OS9: variants seen among roughly 807,000 people sequenced by gnomAD.
The protein encoded by OS9 is OS9 endoplasmic reticulum lectin.
In OS9, 58 loss-of-function variants were observed where a neutral mutation model predicts 84.7. That is an observed-to-expected ratio of 0.68 (90% CI 0.55 to 0.85). The LOEUF is 0.85. Among genes scored for constraint, OS9 ranks in the 40% least tolerant of loss-of-function variants. The pLI, the probability that OS9 is intolerant of heterozygous loss-of-function variation, is 0.00. For missense variants in OS9, 760 were observed against 850.9 expected, an observed-to-expected ratio of 0.89 and a Z score of 1.33; for synonymous variants, 278 against 320.8, an observed-to-expected ratio of 0.87 and a Z score of 1.43.
rs1168881947 is a variant in OS9 at position 57,697,910 on chromosome 12, CACACACACACACAT to C, written c.579+1551_579+1564del. ...ACACACGGAACCTAACATAAGCAAA[CACACACACACACAT>C]ACACACACACACACACACACACACA... On this transcript the variant is annotated intron_variant, in intron 5 of 14. Coordinates refer to ENST00000315970, the MANE Select transcript of OS9 (RefSeq NM_006812.4). 5.2e-3 allele frequency among the ~76,000 whole-genome samples: 150 copies of C among 28,970 alleles called. 6 individuals carry two copies. Among genetic ancestry groups the C allele is most frequent in the African/African-American group, 0.013 (144 of 11,104 alleles). 19.0% of individuals were successfully genotyped at this position (28,970 alleles called of 152,430 possible).
At chr12:57,704,286 C>G (rs1954105974) in intron 5 of OS9, among the ~76,000 whole-genome samples, 1 of 152,132 alleles carries the variant, frequency 6.6e-6, no homozygotes. Flanking sequence ...CCTGTAATCC[C>G]AGCACTTTGG....
In OS9 at chr12:57,694,887, G is replaced by A; in HGVS notation, c.300G>A (p.Glu100=). The A allele has an allele frequency of 5.0e-6, 8 of 1,614,194 alleles. No homozygotes were observed. The highest frequency in any genetic ancestry group is 1.7e-5 in the Admixed American group (1 of 60,016). The change falls in exon 2 of 15, where the codon GAG becomes GAA. Residue 100 remains glutamate (E), a synonymous_variant. Coordinates refer to ENST00000315970, the MANE Select transcript of OS9 (RefSeq NM_006812.4). The stretch of plus-strand genomic sequence containing the variant: ...CTTACCAAGGGCCTGGGATCCCTGA[G>A]TTGTTGAGCCCAATGAGAGATGCTC... ...TPAYQGPGIP[E]LLSPMRDAPC...
At chr12:57,695,096 C>T in intron 2 of OS9, 170 bp downstream of exon 2, 3 of 618,784 alleles carry the variant, frequency 4.8e-6, no homozygotes, top group Non-Finnish European at 8.5e-6. Flanking sequence ...CCTGCAACCA[C>T]TGATGACACT....
At chr12:57,698,224 A>T (rs1393171150) in intron 5 of OS9, among the ~76,000 whole-genome samples, 34 of 152,222 alleles carry the variant, frequency 2.2e-4, no homozygotes, top group Admixed American at 2.2e-3. Context: ...ACCTTTCTTG[A>T]TTAACCCAGA....
intron 5 of OS9, among the ~76,000 whole-genome samples, chr12:57,711,090 T>C (rs1275454782): frequency 6.7e-6 from 1 of 149,160 alleles, no homozygotes; most frequent in African/African-American, 2.5e-5. Flanking sequence ...CATACTTGTC[T>C]CTCATCTGCT....
chr12:57,718,555 CTAAT>C (rs766086223), intron 11 of OS9, 134 bp downstream of exon 11: 1 of 930,204 alleles, frequency 1.1e-6, no homozygotes, highest in Non-Finnish European at 1.6e-6. Flanking sequence ...AGCTGTTTCC[CTAAT>C]TAATCGGGGC....
chr12:57,697,895 CCTAACATAAGCAAACACACACACACACAT>C (rs1953898969), intron 5 of OS9, among the ~76,000 whole-genome samples: 2 of 49,660 alleles, frequency 4.0e-5, no homozygotes, highest in African/African-American at 1.3e-4. Context: ...ACACACGGAA[CCTAACATAAGCAAACACACACACACACAT>C]ACACACACAC....
chr12:57,708,236 A>C lies in OS9; in HGVS notation c.580-7524A>C, dbSNP rs185799946. Among the ~76,000 whole-genome samples, 12 of 152,020 alleles carry C rather than the reference A, an allele frequency of 7.9e-5. No individual in the cohort carries two copies. The Admixed American group carries it at 7.9e-4, about 10-fold the overall frequency. ...CCTCATTAGCCTCTTTCCATCCTTA[A>C]AGAAAGGTAACCATTGTTAATTTCT... On this transcript the variant is annotated intron_variant, in intron 5 of 14. Transcript: ENST00000315970.
rs188936452 is a variant in OS9, at chr12:57,709,318, G to T, written c.580-6442G>T. Among the ~76,000 whole-genome samples the T allele has an allele frequency of 4.6e-4, 70 of 152,272 alleles. 1 individual carries two copies. Among genetic ancestry groups the T allele is most frequent in the Admixed American group, 1.2e-3 (19 of 15,298 alleles). On this transcript the variant is annotated intron_variant, in intron 5 of 14. Transcript: ENST00000315970. ...CTTAAAGCTCTACATTTCACTCTGA[G>T]TACTATTTTGGTTGCATCCCTCAAA...
At chr12:57,704,926 T>G (rs949619282) in intron 5 of OS9, among the ~76,000 whole-genome samples, 2 of 152,192 alleles carry the variant, frequency 1.3e-5, no homozygotes, top group African/African-American at 4.8e-5. Flanking sequence ...CAGTAAAAAT[T>G]TATCTTAATG....
At chr12:57,697,877 AC>A (rs1658985683) in intron 5 of OS9, among the ~76,000 whole-genome samples, 1 of 145,698 alleles carries the variant, frequency 6.9e-6, no homozygotes, top group African/African-American at 2.5e-5. Context: ...ACACACACAC[AC>A]ACACACACAC....
At chr12:57,716,279 TGG>T in intron 7 of OS9, 86 bp downstream of exon 7, 2 of 508,592 alleles carry the variant, frequency 3.9e-6, no homozygotes, top group Non-Finnish European at 7.0e-6. Flanking sequence ...ACTGGTGGGG[TGG>T]GGGGGGGTGG....
At position 57,695,962 on chromosome 12, in the gene OS9, A is replaced by G. The variant is rs1313119236; in HGVS notation, c.404A>G (p.Asp135Gly). 3.1e-6 allele frequency: 5 copies of G among 1,612,376 alleles called. No homozygotes were observed. Among genetic ancestry groups the G allele is most frequent in the Non-Finnish European group, 3.4e-6 (4 of 1,178,404 alleles). ...TGCTTCACTGTGGCTTCCCTTGCAG[A>G]TTCAGAGATCAAAGGTGAAGTCCTC... ...GRHIQQYHME[D>G]SEIKGEVLYL... The change falls in exon 4 of 15, where the codon GAT becomes GGT. Residue 135 changes from aspartate to glycine, a missense_variant and splice_region_variant. Physicochemically the swap from Asp to Gly is moderately conservative, Grantham distance 94. Coordinates refer to ENST00000315970, the MANE Select transcript of OS9 (RefSeq NM_006812.4).
At chr12:57,720,720 G>A in intron 14 of OS9, 64 bp from the exon 15 acceptor site, 5 of 1,543,644 alleles carry the variant, frequency 3.2e-6, no homozygotes, top group Non-Finnish European at 4.4e-6. Context: ...CCAGCTGCCT[G>A]GCCCAGGACT....
chr12:57,720,721 G>A (rs1484910979), intron 14 of OS9, 63 bp from the exon 15 acceptor site: 1 of 1,549,508 alleles, frequency 6.5e-7, no homozygotes, highest in African/African-American at 1.4e-5. Flanking sequence ...CAGCTGCCTG[G>A]CCCAGGACTT....
chr12:57,700,401 C>T (rs1324188690), intron 5 of OS9, among the ~76,000 whole-genome samples: 2 of 145,714 alleles, frequency 1.4e-5, no homozygotes, highest in African/African-American at 2.5e-5. Flanking sequence ...GGTCTAGGGT[C>T]GTAACTGGAA....
At chr12:57,706,455 C>T (rs1565772992) in intron 5 of OS9, among the ~76,000 whole-genome samples, 1 of 151,814 alleles carries the variant, frequency 6.6e-6, no homozygotes, top group Admixed American at 6.6e-5. Context: ...TTGTACTTAC[C>T]TTGTTTTTGT....
chr12:57,694,697 T>C, intron 1 of OS9, 53 bp from the exon 2 acceptor site: 2 of 1,574,406 alleles, frequency 1.3e-6, no homozygotes, highest in Non-Finnish European at 1.7e-6. Flanking sequence ...TTGTTCTCCC[T>C]GATCCCAGCC....
At chr12:57,697,924 T>TAACATAAGCAA (rs1953906600) in intron 5 of OS9, among the ~76,000 whole-genome samples, 1 of 91,546 alleles carries the variant, frequency 1.1e-5, no homozygotes, top group African/African-American at 4.0e-5. Context: ...CACACACACA[T>TAACATAAGCAA]ACACACACAC....
Sources: allele counts gnomAD v4.1 joint callset (sites outside exome capture counted in the v4.1 genomes callset), GRCh38; gene constraint gnomAD v4.1.1; transcripts MANE v1.5; gene names NCBI Gene and HGNC (gene_info 2026-07-23, HGNC 2026-07-21).